Variants in REC114 observed in about 807,000 individuals in gnomAD.
REC114 encodes meiotic recombination protein REC114.
REC114 carries 27 observed loss-of-function variants against 31.3 expected under a neutral mutation model. The observed-to-expected ratio is 0.86, with a 90% CI of 0.64 to 1.19. REC114 has a LOEUF of 1.19. Ranked by LOEUF, REC114 falls within the 50% of genes most tolerant of loss-of-function variation. REC114 has a pLI of 0.00. For missense variants in REC114, 344 were observed against 326.9 expected, an observed-to-expected ratio of 1.05 and a Z score of -0.40; for synonymous variants, 134 against 127.7, an observed-to-expected ratio of 1.05 and a Z score of -0.33.
At chr15:73,467,521 A>T (rs1215304818) in intron 1 of REC114, among the ~76,000 whole-genome samples, 1 of 152,180 alleles carries the variant, frequency 6.6e-6, no homozygotes, top group Non-Finnish European at 1.5e-5. Context: ...ATATTTGTTG[A>T]ATGAAGAATT....
intron 2 of REC114, among the ~76,000 whole-genome samples, chr15:73,517,701 A>G: frequency 6.6e-6 from 1 of 152,228 alleles, no homozygotes; most frequent in East Asian, 1.9e-4. Flanking sequence ...GAGACACTCA[A>G]GCAGGGATGT....
At position 73,474,762 on chromosome 15, in the gene REC114, C is replaced by T. The variant is rs138376095; in HGVS notation, c.249+841C>T. ...CTAGTGGGGGAAAAACAGCAATAAG[C>T]AAATAGGTCAAGTACATTTAAAAGA... On this transcript the variant is annotated intron_variant, in intron 2 of 5. Coordinates refer to ENST00000331090, the MANE Select transcript of REC114 (RefSeq NM_001042367.2). 3.8e-3 allele frequency among the ~76,000 whole-genome samples: 575 copies of T among 152,230 alleles called. 2 individuals are homozygous for T. Among genetic ancestry groups the T allele is most frequent in the African/African-American group, 0.013 (550 of 41,534 alleles).
chr15:73,475,165 C>G (rs60688200), intron 2 of REC114, among the ~76,000 whole-genome samples: 8 of 152,180 alleles, frequency 5.3e-5, no homozygotes, highest in Non-Finnish European at 1.0e-4. Context: ...CCACCCCATA[C>G]TGTGTCTCTG....
chr15:73,553,289 T>G (rs1284859476), intron 4 of REC114, among the ~76,000 whole-genome samples: 1 of 152,262 alleles, frequency 6.6e-6, no homozygotes. Flanking sequence ...TGAAGATGTC[T>G]TAATGCTGAA....
intron 1 of REC114, among the ~76,000 whole-genome samples, chr15:73,459,226 C>A (rs1012262228): frequency 3.1e-4 from 47 of 149,646 alleles, no homozygotes; most frequent in African/African-American, 1.1e-3. Flanking sequence ...TATACTTTTT[C>A]TTTTTTCTTT....
intron 1 of REC114, among the ~76,000 whole-genome samples, chr15:73,461,922 C>CTTTTTTTTTTTTT (rs961387922): frequency 1.3e-5 from 1 of 78,212 alleles, no homozygotes; most frequent in Non-Finnish European, 3.0e-5. Context: ...TTTTTCTTTT[C>CTTTTTTTTTTTTT]TTTTTTTTTT....
intron 1 of REC114, among the ~76,000 whole-genome samples, chr15:73,455,429 C>A (rs1357730814): frequency 6.6e-6 from 1 of 151,868 alleles, no homozygotes; most frequent in Admixed American, 6.6e-5. Context: ...ATCTGTTCTC[C>A]TGGTACTGTT....
intron 2 of REC114, among the ~76,000 whole-genome samples, chr15:73,490,577 T>A (rs551751513): frequency 2.0e-5 from 3 of 152,156 alleles, no homozygotes; most frequent in Non-Finnish European, 2.9e-5. Context: ...GGCATACACC[T>A]GTAGTCCCAG....
rs561218819 is a variant in REC114, at chr15:73,521,914, A to C, written c.250-18571A>C. On this transcript the variant is annotated intron_variant, in intron 2 of 5. Coordinates refer to ENST00000331090, the MANE Select transcript of REC114 (RefSeq NM_001042367.2). Reference sequence around the variant, plus strand: ...AGGAAGAACTCAGATTTTTCTAGATAATAGAAAAAGGGAATAGTTCCTAAC... The same window carrying C: ...AGGAAGAACTCAGATTTTTCTAGATCATAGAAAAAGGGAATAGTTCCTAAC... 3.3e-5 allele frequency among the ~76,000 whole-genome samples: 5 copies of C among 152,350 alleles called. No individual in the cohort carries two copies. The East Asian group carries it at 9.6e-4, about 29-fold the overall frequency.
intron 2 of REC114, among the ~76,000 whole-genome samples, chr15:73,530,795 T>C (rs1380144841): frequency 6.6e-6 from 1 of 151,852 alleles, no homozygotes; most frequent in African/African-American, 2.4e-5. Flanking sequence ...CAAACTGAGC[T>C]CCAGGATAGT....
intron 4 of REC114, among the ~76,000 whole-genome samples, chr15:73,552,264 A>G (rs376005181): frequency 3.3e-5 from 5 of 152,170 alleles, no homozygotes; most frequent in African/African-American, 9.7e-5. Flanking sequence ...TCCCTTCTCC[A>G]TCTATAATTT....
intron 2 of REC114, among the ~76,000 whole-genome samples, chr15:73,495,029 G>A (rs1029597190): frequency 6.6e-6 from 1 of 152,028 alleles, no homozygotes; most frequent in Non-Finnish European, 1.5e-5. Flanking sequence ...ACTAATTCCC[G>A]ACAATTTTTA....
intron 5 of REC114, among the ~76,000 whole-genome samples, chr15:73,558,869 T>C (rs1894520427): frequency 6.6e-6 from 1 of 152,226 alleles, no homozygotes; most frequent in South Asian, 2.1e-4. Flanking sequence ...ATAGCATCTT[T>C]ATTCATAATT....
At chr15:73,469,983 T>G (rs958216434) in intron 1 of REC114, among the ~76,000 whole-genome samples, 3 of 152,172 alleles carry the variant, frequency 2.0e-5, no homozygotes, top group African/African-American at 7.2e-5. Flanking sequence ...GTATATATTT[T>G]TTCTATCCTT....
At chr15:73,466,490 G>T (rs973171799) in intron 1 of REC114, among the ~76,000 whole-genome samples, 1 of 152,066 alleles carries the variant, frequency 6.6e-6, no homozygotes, top group Non-Finnish European at 1.5e-5. Flanking sequence ...GGAGGCAGAG[G>T]TTGCAGTGAG....
chr15:73,508,559 G>C, intron 2 of REC114, among the ~76,000 whole-genome samples: 1 of 146,832 alleles, frequency 6.8e-6, no homozygotes. Flanking sequence ...TCGTCATCTA[G>C]CATTAGGTAT....
At chr15:73,540,876 A>G (rs1048069602) in intron 3 of REC114, among the ~76,000 whole-genome samples, 3 of 152,160 alleles carry the variant, frequency 2.0e-5, no homozygotes, top group African/African-American at 4.8e-5. Flanking sequence ...TGCGATTTGG[A>G]TGTTTAAAAA....
chr15:73,452,428 G>A (rs923929996), intron 1 of REC114, among the ~76,000 whole-genome samples: 2 of 152,106 alleles, frequency 1.3e-5, no homozygotes, highest in African/African-American at 4.8e-5. Context: ...AACTTACAAG[G>A]GATGTGAAGG....
In REC114 at chr15:73,521,591, A is replaced by G. The variant is rs181785515; in HGVS notation, c.250-18894A>G. Among the ~76,000 whole-genome samples the G allele has an allele frequency of 5.0e-4, 76 of 152,302 alleles. 1 individual carries two copies. The highest frequency in any genetic ancestry group is 8.5e-4 in the Non-Finnish European group (58 of 68,004). On this transcript the variant is annotated intron_variant, in intron 2 of 5. Coordinates refer to ENST00000331090, the MANE Select transcript of REC114 (RefSeq NM_001042367.2). ...ATTAGTAAAATTGATGAACCCTTAC[A>G]AAGACTAATTTCTTGAAATAGAGAA...
Sources: gnomAD v4.1 joint callset for allele counts (sites outside exome capture counted in the v4.1 genomes callset) on GRCh38, gnomAD v4.1.1 for gene constraint, MANE v1.5 for transcripts, NCBI Gene and HGNC (gene_info 2026-07-23, HGNC 2026-07-21) for gene names.